Variants in CDH8 observed in about 807,000 individuals in gnomAD.
CDH8 encodes the protein cadherin 8, also known as cadherin-8.
A neutral mutation model predicts 68.1 loss-of-function variants in CDH8; 17 were observed. That is an observed-to-expected ratio of 0.25 (90% CI 0.17 to 0.37). CDH8 has a LOEUF of 0.37. CDH8 is among the 10% of genes least tolerant of loss of function. The pLI, the probability that CDH8 is intolerant of heterozygous loss-of-function variation, is 1.00. For synonymous variants in CDH8, 372 were observed against 365.1 expected (o/e 1.02, Z -0.21); for missense variants, 763 against 999.3 (o/e 0.76, Z 3.19).
At position 61,718,862 on chromosome 16, in the gene CDH8, G is replaced by A. The variant is rs540369112; in HGVS notation, c.1537-4904C>T. 1.2e-3 allele frequency among the ~76,000 whole-genome samples: 184 copies of A among 151,248 alleles called. 1 individual carries two copies. The highest frequency in any genetic ancestry group is 4.3e-3 in the African/African-American group (178 of 41,378). ...TACATTAAAAGCCTTAAAGAAGGGT[G>A]CTTAAAAATAGATAGGCATACAAGA... On this transcript the variant is annotated intron_variant, in intron 9 of 11. Coordinates refer to ENST00000577390, the MANE Select transcript of CDH8 (RefSeq NM_001796.5).
chr16:61,673,388 A>C (rs1334203769), intron 10 of CDH8, among the ~76,000 whole-genome samples: 2 of 152,122 alleles, frequency 1.3e-5, no homozygotes, highest in African/African-American at 4.8e-5. Flanking sequence ...TTCATTCATC[A>C]TTAAAGAGCT....
In CDH8 at chr16:61,655,592, C is replaced by T. The variant is rs781605014; in HGVS notation, c.1784G>A (p.Arg595Lys). The T allele has an allele frequency of 3.7e-6, 6 of 1,614,072 alleles. No individual in the cohort carries two copies. Among genetic ancestry groups the T allele is most frequent in the Non-Finnish European group, 5.1e-6 (6 of 1,180,042 alleles). The change falls in exon 11 of 12, where the codon AGG (arginine) becomes AAG (lysine). Residue 595 changes from arginine to lysine, a missense_variant. By Grantham distance (26) the Arg-to-Lys change is conservative. Coordinates refer to ENST00000577390, the MANE Select transcript of CDH8 (RefSeq NM_001796.5). ...PLSSTSTLTI[R>K]VCGCSNDGVV... ...ACCGTCATTGCTGCAGCCACAGACCCTGATTGTCAAGGTGCTAGTGCTGCT... is the reference window on the plus strand; with the variant it reads ...ACCGTCATTGCTGCAGCCACAGACCTTGATTGTCAAGGTGCTAGTGCTGCT...
In CDH8 at chr16:61,647,582, T is replaced by A; in HGVS notation, c.*6026A>T. The A allele has an allele frequency of 1.9e-6, 1 of 528,176 alleles. No homozygotes were observed. 32.7% of individuals were successfully genotyped at this position (528,176 alleles called of 1,614,324 possible). A position where few individuals can be genotyped will look rare whatever the true frequency, so the allele number is the denominator to read the frequency against. ...ATAGGATGGCCTGAAGTTCTTTGCA[T>A]GTACAGAAGAAATCCCAAGAAATTA... On this transcript the variant is annotated 3_prime_UTR_variant, in exon 12 of 12. Transcript: ENST00000577390.
intron 3 of CDH8, 31 bp from the exon 4 acceptor site, chr16:61,857,269 A>G: frequency 6.3e-7 from 1 of 1,589,480 alleles, no homozygotes; most frequent in Non-Finnish European, 8.6e-7. Flanking sequence ...AAAAGATAAT[A>G]ATTAACACAT....
intron 10 of CDH8, among the ~76,000 whole-genome samples, chr16:61,684,995 C>T (rs1387663283): frequency 1.3e-5 from 2 of 151,784 alleles, no homozygotes; most frequent in Non-Finnish European, 1.5e-5. Flanking sequence ...TTAAGTTACC[C>T]GCCTATTTCC....
intron 7 of CDH8, among the ~76,000 whole-genome samples, chr16:61,801,805 G>T (rs948634008): frequency 2.6e-5 from 4 of 152,210 alleles, no homozygotes; most frequent in Non-Finnish European, 5.9e-5. Flanking sequence ...CACCTGGCTC[G>T]GAGGGCCCTA....
chr16:61,844,026 G>T (rs1025874798), intron 4 of CDH8, among the ~76,000 whole-genome samples: 5 of 152,012 alleles, frequency 3.3e-5, no homozygotes, highest in Admixed American at 6.6e-5. Context: ...GGAACCAACC[G>T]AAATGTCCAA....
chr16:61,921,931 T>C (rs1398785596), intron 2 of CDH8, among the ~76,000 whole-genome samples: 2 of 151,976 alleles, frequency 1.3e-5, no homozygotes, highest in African/African-American at 2.4e-5. Context: ...CTCAGGAGGC[T>C]GAGGCAGGAG....
At chr16:61,756,847 C>T (rs1355859408) in intron 8 of CDH8, among the ~76,000 whole-genome samples, 2 of 152,130 alleles carry the variant, frequency 1.3e-5, no homozygotes, top group Admixed American at 6.5e-5. Context: ...CCTAGAAGTT[C>T]GACAAACATA....
chr16:61,651,750 T>A lies in CDH8; in HGVS notation c.*1858A>T, dbSNP rs1164922326. ...TTGTCTGAAGGTTTTCCCTGCCCAA[T>A]GCGTCTGCTTCCAGAAGGACCCAAA... On this transcript the variant is annotated 3_prime_UTR_variant, in exon 12 of 12. Transcript: ENST00000577390. 1 of 152,276 alleles carries A rather than the reference T, an allele frequency of 6.6e-6. No homozygotes were observed. Among genetic ancestry groups the A allele is most frequent in the Non-Finnish European group, 1.5e-5 (1 of 68,116 alleles). 9.4% of individuals were successfully genotyped at this position (152,276 alleles called of 1,614,324 possible).
chr16:62,034,651 T>C (rs1902409521), intron 1 of CDH8, among the ~76,000 whole-genome samples: 1 of 152,120 alleles, frequency 6.6e-6, no homozygotes, highest in Non-Finnish European at 1.5e-5. Flanking sequence ...AGAAAGCAGC[T>C]GATCTGATTA....
chr16:62,007,389 A>G (rs1038324320), intron 2 of CDH8, among the ~76,000 whole-genome samples: 1 of 152,158 alleles, frequency 6.6e-6, no homozygotes, highest in African/African-American at 2.4e-5. Context: ...TTTGAGGTAA[A>G]ATGGCCATGA....
Position 62,030,030 on chromosome 16 carries a change from CA to C in CDH8, c.-200+6049del, listed in dbSNP as rs142967542. Among the ~76,000 whole-genome samples the C allele has an allele frequency of 2.7e-3, 410 of 152,226 alleles. 2 individuals carry two copies. Among genetic ancestry groups the C allele is most frequent in the African/African-American group, 9.4e-3 (390 of 41,546 alleles). On this transcript the variant is annotated intron_variant, in intron 1 of 11. Transcript: ENST00000577390. The stretch of plus-strand genomic sequence containing the variant: ...CTAGTATAAGTCATCCAGATTCTGC[CA>C]ATTAGATTACACTGTGTAGTAACCA...
chr16:61,781,381 T>C (rs1225023242), intron 8 of CDH8, among the ~76,000 whole-genome samples: 1 of 151,606 alleles, frequency 6.6e-6, no homozygotes, highest in Non-Finnish European at 1.5e-5. Context: ...TCAGTGGAGG[T>C]GAGGAGTTAA....
At chr16:61,751,115 G>A (rs17248968) in intron 8 of CDH8, among the ~76,000 whole-genome samples, 20,658 of 151,798 alleles carry the variant, frequency 0.14, 1,767 homozygotes, top group Middle Eastern at 0.2. Context: ...ACATACATAT[G>A]GCAAACAAAG....
intron 2 of CDH8, among the ~76,000 whole-genome samples, chr16:61,970,040 G>T (rs1188191710): frequency 6.6e-6 from 1 of 152,130 alleles, no homozygotes; most frequent in Non-Finnish European, 1.5e-5. Flanking sequence ...ATGTCTTAAA[G>T]GCATCTATTA....
At chr16:61,765,075 T>C (rs976731854) in intron 8 of CDH8, among the ~76,000 whole-genome samples, 18 of 152,104 alleles carry the variant, frequency 1.2e-4, no homozygotes, top group African/African-American at 3.6e-4. Context: ...CATTAGTCTA[T>C]TGAATTCTTC....
At chr16:61,946,214 G>T (rs1964799129) in intron 2 of CDH8, among the ~76,000 whole-genome samples, 1 of 152,152 alleles carries the variant, frequency 6.6e-6, no homozygotes, top group Admixed American at 6.5e-5. Flanking sequence ...TTTTGGAGAA[G>T]ACCACCAGGT....
intron 10 of CDH8, among the ~76,000 whole-genome samples, chr16:61,709,348 T>C (rs978010944): frequency 2.0e-4 from 30 of 152,108 alleles, no homozygotes; most frequent in Admixed American, 6.5e-5. Context: ...AATGACTCTG[T>C]CTGCCTTGAA....
Sources: gnomAD v4.1 joint callset for allele counts (sites outside exome capture counted in the v4.1 genomes callset) on GRCh38, gnomAD v4.1.1 for gene constraint, MANE v1.5 for transcripts, NCBI Gene and HGNC (gene_info 2026-07-23, HGNC 2026-07-21) for gene names.